Variants in WDPCP observed in about 807,000 individuals in gnomAD.
The protein encoded by WDPCP is WD repeat-containing and planar cell polarity effector protein fritz homolog.
A neutral mutation model predicts 93.1 loss-of-function variants in WDPCP; 71 were observed. The observed-to-expected ratio is 0.76, with a 90% CI of 0.63 to 0.93. The LOEUF is 0.93. WDPCP is among the 40% of genes least tolerant of loss of function. WDPCP has a pLI of 0.00. For missense variants in WDPCP, 844 were observed against 887.4 expected (o/e 0.95, Z 0.62); for synonymous variants, 315 against 315.0 (o/e 1.00, Z 0.00).
At chr2:63,497,446 G>T (rs890533127) in intron 1 of WDPCP, among the ~76,000 whole-genome samples, 1 of 152,178 alleles carries the variant, frequency 6.6e-6, no homozygotes, top group African/African-American at 2.4e-5. Context: ...ATTAACAGGG[G>T]AGCGGGAGGA....
At chr2:63,373,155 C>T (rs967392980) in intron 12 of WDPCP, among the ~76,000 whole-genome samples, 1 of 151,980 alleles carries the variant, frequency 6.6e-6, no homozygotes, top group African/African-American at 2.4e-5. Flanking sequence ...AACAAAAAAA[C>T]CCATTACTAC....
At chr2:63,421,157 A>G (rs1454562723) in intron 9 of WDPCP, among the ~76,000 whole-genome samples, 1 of 152,214 alleles carries the variant, frequency 6.6e-6, no homozygotes, top group Non-Finnish European at 1.5e-5. Flanking sequence ...TACCTCTCTT[A>G]TTTGTAATCG....
intron 17 of WDPCP, among the ~76,000 whole-genome samples, chr2:63,141,987 G>T (rs80071521): frequency 0.027 from 4,107 of 152,078 alleles, 168 homozygotes; most frequent in African/African-American, 0.09. Context: ...AATATCTCCT[G>T]TTTCGTTTCT....
At chr2:63,838,434 G>A in the WDPCP span, among the ~76,000 whole-genome samples, 2 of 152,182 alleles carry the variant, frequency 1.3e-5, no homozygotes, top group African/African-American at 2.4e-5. Context: ...GGCAGAATTT[G>A]TATCATCCGT....
chr2:63,603,160 G>A (rs972390915), intron 3 of WDPCP, among the ~76,000 whole-genome samples: 23 of 152,008 alleles, frequency 1.5e-4, no homozygotes, highest in Admixed American at 4.6e-4. Flanking sequence ...GGGCTTCACC[G>A]TGTTGGCCAT....
At chr2:63,285,433 C>CAAAAAA (rs749712426) in intron 13 of WDPCP, among the ~76,000 whole-genome samples, 1 of 50,876 alleles carries the variant, frequency 2.0e-5, no homozygotes. Flanking sequence ...GACTCCATCT[C>CAAAAAA]AAAAAAAAAA....
At position 63,722,122 on chromosome 2, in the gene WDPCP, C is replaced by G. The variant is rs1407121667; in HGVS notation, n.309-71284G>C. Reference sequence around the variant, plus strand: ...CGCCTGCCTTGGCCTCCCAAAGTGCCGAGATTGCAGCCTCTGCCCGGCCGC... The same window carrying G: ...CGCCTGCCTTGGCCTCCCAAAGTGCGGAGATTGCAGCCTCTGCCCGGCCGC... On this transcript the variant is annotated intron_variant and non_coding_transcript_variant, in intron 2 of 4. Transcript: ENST00000467687. Among the ~76,000 whole-genome samples, 16 of 152,248 alleles carry G rather than the reference C, an allele frequency of 1.1e-4. No homozygotes were observed. The South Asian group carries it at 2.7e-3, about 26-fold the overall frequency.
At position 63,391,975 on chromosome 2, in the gene WDPCP, G is replaced by C. The variant is rs1357847084; in HGVS notation, c.1436-9881C>G. ...GCCATACTGCCCAAGGTAATTTATA[G>C]ATTCAATGCCATCCCCATCAAGCTA... is the stretch of plus-strand genomic sequence containing the variant. On this transcript the variant is annotated intron_variant, in intron 10 of 17. Coordinates refer to ENST00000272321, the MANE Select transcript of WDPCP (RefSeq NM_015910.7). 7.9e-5 allele frequency among the ~76,000 whole-genome samples: 12 copies of C among 152,248 alleles called. 1 individual carries two copies. Among genetic ancestry groups the C allele is most frequent in the Admixed American group, 7.9e-4 (12 of 15,286 alleles).
intron 2 of WDPCP, among the ~76,000 whole-genome samples, chr2:63,802,279 CTTAAAAAAAAAAAAAAAAAAAAA>C (rs2104041900): frequency 2.3e-5 from 1 of 42,878 alleles, no homozygotes; most frequent in East Asian, 1.1e-3. Context: ...TACCCTCTCT[CTTAAAAAAAAAAAAAAAAAAAAA>C]AAAAAAAAAA....
upstream of WDPCP, among the ~76,000 whole-genome samples, chr2:63,832,023 T>C (rs1443493757): frequency 6.6e-6 from 1 of 152,236 alleles, no homozygotes; most frequent in African/African-American, 2.4e-5. Flanking sequence ...ACTACAATTA[T>C]GGTATGAATT....
chr2:63,768,125 AT>A (rs1350998545), intron 2 of WDPCP, among the ~76,000 whole-genome samples: 4 of 152,096 alleles, frequency 2.6e-5, no homozygotes, highest in African/African-American at 9.6e-5. Context: ...ACCAAAGTTC[AT>A]TTATTTGCAA....
At chr2:63,601,052 G>A (rs986430660) in intron 3 of WDPCP, among the ~76,000 whole-genome samples, 1 of 152,148 alleles carries the variant, frequency 6.6e-6, no homozygotes, top group Non-Finnish European at 1.5e-5. Flanking sequence ...TCACTGCAGG[G>A]CTCAAGTCTG....
Position 63,722,770 on chromosome 2 carries a change from C to T in WDPCP, n.309-71932G>A, listed in dbSNP as rs1227758354. Reference sequence around the variant, plus strand: ...GACCCCCTCTGCCCGGCCAGCCGCCCCGTCTGGGAGGTGTGCCCAACAGCT... The same window carrying T: ...GACCCCCTCTGCCCGGCCAGCCGCCTCGTCTGGGAGGTGTGCCCAACAGCT... On this transcript the variant is annotated intron_variant and non_coding_transcript_variant, in intron 2 of 4. Coordinates refer to the WDPCP transcript ENST00000467687. 1.3e-5 allele frequency among the ~76,000 whole-genome samples: 2 copies of T among 152,074 alleles called. 1 individual carries two copies. Among genetic ancestry groups the T allele is most frequent in the African/African-American group, 4.8e-5 (2 of 41,446 alleles).
intron 2 of WDPCP, among the ~76,000 whole-genome samples, chr2:63,741,589 G>A (rs1379357201): frequency 6.6e-6 from 1 of 151,326 alleles, no homozygotes; most frequent in Non-Finnish European, 1.5e-5. Flanking sequence ...TACAATATTT[G>A]CATTTTTTTT....
chr2:63,404,115 A>G lies in WDPCP; in HGVS notation c.1368T>C (p.Ser456=). The G allele has an allele frequency of 6.2e-7, 1 of 1,614,158 alleles. No homozygotes were observed. Among genetic ancestry groups the G allele is most frequent in the Non-Finnish European group, 8.5e-7 (1 of 1,180,002 alleles). ...TGAGGAAGAGGAGATCATAGATATCACTACCTTCACCCTTCTGAGAAACAA... is the reference window on the plus strand; with the variant it reads ...TGAGGAAGAGGAGATCATAGATATCGCTACCTTCACCCTTCTGAGAAACAA... ...PQVVSQKGEG[S]DIYDLLFLRF... Residue 456 remains serine (S), a synonymous_variant, in exon 10 of 18, where the codon AGT becomes AGC. Coordinates refer to ENST00000272321, the MANE Select transcript of WDPCP (RefSeq NM_015910.7).
chr2:63,518,316 G>A (rs945123698), intron 1 of WDPCP: 1 of 152,588 alleles, frequency 6.6e-6, no homozygotes, highest in African/African-American at 2.4e-5. Flanking sequence ...ATCCTGATCT[G>A]AAGGGGAAGG....
At chr2:63,311,772 C>G (rs1431954822) in intron 13 of WDPCP, among the ~76,000 whole-genome samples, 1 of 152,070 alleles carries the variant, frequency 6.6e-6, no homozygotes, top group East Asian at 1.9e-4. Flanking sequence ...TTAGAAGGTG[C>G]CTTTCGTGAT....
intron 9 of WDPCP, among the ~76,000 whole-genome samples, chr2:63,418,118 T>C (rs1164685664): frequency 2.0e-5 from 3 of 152,092 alleles, no homozygotes; most frequent in African/African-American, 7.2e-5. Context: ...AATAAGAAGG[T>C]GAAAACATCA....
At chr2:63,539,105 CAT>C (rs1219370350) in intron 1 of WDPCP, among the ~76,000 whole-genome samples, 2 of 152,110 alleles carry the variant, frequency 1.3e-5, no homozygotes, top group Non-Finnish European at 2.9e-5. Context: ...AATATTTAAA[CAT>C]ATTTTATCAA....
Sources: gnomAD v4.1 joint callset for allele counts (sites outside exome capture counted in the v4.1 genomes callset) on GRCh38, gnomAD v4.1.1 for gene constraint, MANE v1.5 for transcripts, NCBI Gene and HGNC (gene_info 2026-07-23, HGNC 2026-07-21) for gene names.